Variants in ALPK1 observed in about 807,000 individuals in gnomAD.
ALPK1 encodes alpha-protein kinase 1.
In ALPK1, 110 loss-of-function variants were observed where a neutral mutation model predicts 120.6. That is an observed-to-expected ratio of 0.91 (90% CI 0.78 to 1.07). The LOEUF is 1.07. ALPK1 is among the 50% of genes least tolerant of loss of function. The pLI, the probability that ALPK1 is intolerant of heterozygous loss-of-function variation, is 0.00. For synonymous variants in ALPK1, 582 were observed against 560.3 expected (o/e 1.04, Z -0.55); for missense variants, 1,498 against 1,483.9 (o/e 1.01, Z -0.16).
At chr4:112,323,405 G>T (rs1728951307) in intron 2 of ALPK1, among the ~76,000 whole-genome samples, 1 of 152,052 alleles carries the variant, frequency 6.6e-6, no homozygotes, top group Non-Finnish European at 1.5e-5. Flanking sequence ...AGTAAACCCT[G>T]AGCCCTAAAA....
At position 112,307,323 on chromosome 4, in the gene ALPK1, G is replaced by A. The variant is rs192148596; in HGVS notation, c.-152-8478G>A. ...GATATCCTTTTTAACTTTCTGTCTC[G>A]TTGATCTGTCTAATGTTGACAGTGG... is the stretch of plus-strand genomic sequence containing the variant. On this transcript the variant is annotated intron_variant, in intron 1 of 15. Transcript: ENST00000650871. Among the ~76,000 whole-genome samples, 306 of 152,096 alleles carry A rather than the reference G, an allele frequency of 2.0e-3. 4 individuals carry two copies. The highest frequency in any genetic ancestry group is 6.4e-3 in the African/African-American group (266 of 41,426).
chr4:112,300,651 C>T (rs751195924), intron 1 of ALPK1, among the ~76,000 whole-genome samples: 2 of 151,406 alleles, frequency 1.3e-5, no homozygotes, highest in Non-Finnish European at 2.9e-5. Context: ...GATTGCTTCT[C>T]TGTCAACTGT....
chr4:112,411,796 T>C (rs1733479437), intron 4 of ALPK1, 31 bp from the exon 5 acceptor site: 3 of 1,584,294 alleles, frequency 1.9e-6, no homozygotes, highest in East Asian at 4.7e-5. Flanking sequence ...CGTTTCCGCC[T>C]GGCTCACGAT....
chr4:112,363,716 C>T (rs1731015214), intron 2 of ALPK1, among the ~76,000 whole-genome samples: 1 of 152,162 alleles, frequency 6.6e-6, no homozygotes, highest in South Asian at 2.1e-4. Flanking sequence ...CAGATATTTA[C>T]AGAACATTGT....
intron 3 of ALPK1, among the ~76,000 whole-genome samples, chr4:112,381,102 T>A (rs1423056274): frequency 6.6e-6 from 1 of 152,224 alleles, no homozygotes; most frequent in East Asian, 1.9e-4. Context: ...TGGTCCATCT[T>A]GTTTTTAGAA....
At chr4:112,356,961 T>C (rs930552200) in intron 2 of ALPK1, 1 of 766,352 alleles carries the variant, frequency 1.3e-6, no homozygotes. Context: ...GGACTGGACG[T>C]CATAGACCAG....
intron 2 of ALPK1, chr4:112,358,625 G>T: frequency 1.4e-6 from 1 of 719,270 alleles, no homozygotes; most frequent in South Asian, 1.5e-5. Flanking sequence ...ACAGTGGGCT[G>T]GGGGGCCCTG....
intron 1 of ALPK1, among the ~76,000 whole-genome samples, chr4:112,302,872 T>C (rs1727853061): frequency 6.6e-6 from 1 of 152,188 alleles, no homozygotes; most frequent in Non-Finnish European, 1.5e-5. Context: ...CACCTTTTAC[T>C]TCTACCTCCC....
chr4:112,438,780 C>T (rs1325068841), intron 13 of ALPK1, 134 bp downstream of exon 13: 1 of 977,572 alleles, frequency 1.0e-6, no homozygotes, highest in African/African-American at 1.6e-5. Context: ...CTGTACTTTC[C>T]AAGAGAGAAA....
chr4:112,431,867 G>A lies in ALPK1; in HGVS notation c.2320G>A (p.Ala774Thr), dbSNP rs370054603. 6.1e-5 allele frequency: 98 copies of A among 1,613,834 alleles called. No homozygotes were observed. Among genetic ancestry groups the A allele is most frequent in the African/African-American group, 9.3e-5 (7 of 74,934 alleles). The change falls in exon 11 of 16, where the codon GCA becomes ACA. Residue 774 changes from alanine (A) to threonine (T), a missense_variant. Transcript: ENST00000650871. The part of the protein sequence containing the change: ...EQGEEISERG[A>T]GPTFKASPSW... ...GGGAGAAGAAATTAGTGAAAGAGGC[G>A]CAGGCCCTACATTTAAAGCTAGTCC...
chr4:112,428,214 GAAAC>G (rs1325841220), intron 9 of ALPK1: 1 of 152,922 alleles, frequency 6.5e-6, no homozygotes, highest in Admixed American at 6.5e-5. Context: ...GCAGTGCAGA[GAAAC>G]TAACTAACCT....
intron 5 of ALPK1, among the ~76,000 whole-genome samples, chr4:112,423,472 AATAGGCCCTTCCT>A (rs1375852895): frequency 1.3e-5 from 2 of 152,226 alleles, no homozygotes; most frequent in East Asian, 3.8e-4. Context: ...GTGTCCATAG[AATAGGCCCTTCCT>A]ATGTGGTAGT....
intron 13 of ALPK1, 23 bp from the exon 14 acceptor site, chr4:112,439,663 T>C: frequency 1.9e-6 from 3 of 1,586,862 alleles, no homozygotes; most frequent in Non-Finnish European, 2.6e-6. Flanking sequence ...TATGCTGTAA[T>C]GTTTCTCATT....
chr4:112,325,081 C>A (rs550129103), intron 2 of ALPK1, among the ~76,000 whole-genome samples: 14 of 151,980 alleles, frequency 9.2e-5, no homozygotes, highest in Non-Finnish European at 1.5e-4. Flanking sequence ...ACATTGTAGG[C>A]TACTTGGCTT....
rs373271868 is a variant in ALPK1, at chr4:112,431,704, T to C, written c.2157T>C (p.Ser719=). 3 of 1,614,120 alleles carry C rather than the reference T, an allele frequency of 1.9e-6. No homozygotes were observed. Among genetic ancestry groups the C allele is most frequent in the Non-Finnish European group, 2.5e-6 (3 of 1,180,046 alleles). The stretch of plus-strand genomic sequence containing the variant: ...CTCACTCCAGACCCTCATATCGTTC[T>C]GCTTCTTGGTCTTCTGATTCTGGTA... ...TSAHSRPSYR[S]ASWSSDSGRP... The change falls in exon 11 of 16, where the codon TCT becomes TCC. Residue 719 remains serine (S), a synonymous_variant. Transcript: ENST00000650871.
At chr4:112,386,553 G>A (rs942728698) in intron 4 of ALPK1, among the ~76,000 whole-genome samples, 1 of 152,098 alleles carries the variant, frequency 6.6e-6, no homozygotes, top group Non-Finnish European at 1.5e-5. Flanking sequence ...CACAGGCTAC[G>A]GCGACCTAAA....
chr4:112,427,757 G>A (rs979745267), intron 9 of ALPK1, 92 bp downstream of exon 9: 7 of 878,760 alleles, frequency 8.0e-6, no homozygotes, highest in Non-Finnish European at 1.3e-5. Flanking sequence ...AGGAGATTGG[G>A]AGGCAGGGAG....
Position 112,308,519 on chromosome 4 carries a change from C to G in ALPK1, c.-152-7282C>G, listed in dbSNP as rs191041977. Among the ~76,000 whole-genome samples the G allele has an allele frequency of 1.2e-3, 176 of 152,174 alleles. 1 individual carries two copies. Among genetic ancestry groups the G allele is most frequent in the African/African-American group, 4.0e-3 (165 of 41,454 alleles). On this transcript the variant is annotated intron_variant, in intron 1 of 15. Transcript: ENST00000650871. ...CATTTGATCTTCAATCACTGATACC[C>G]TTTCTTCCAGTTGATCGAATCGGCT...
intron 2 of ALPK1, among the ~76,000 whole-genome samples, chr4:112,346,995 A>T (rs1730129927): frequency 6.6e-6 from 1 of 152,150 alleles, no homozygotes; most frequent in Non-Finnish European, 1.5e-5. Flanking sequence ...CTTAGACCTC[A>T]TCAGTTCTTT....
Sources: gnomAD v4.1 joint callset for allele counts (sites outside exome capture counted in the v4.1 genomes callset) on GRCh38, gnomAD v4.1.1 for gene constraint, MANE v1.5 for transcripts, NCBI Gene and HGNC (gene_info 2026-07-23, HGNC 2026-07-21) for gene names.